The following EPB41L2 variants were observed in gnomAD, a reference collection of about 807,000 sequenced individuals.
EPB41L2 encodes the protein band 4.1-like protein 2.
Under a neutral mutation model 113.0 loss-of-function variants are expected in EPB41L2, and 43 were observed. That is an observed-to-expected ratio of 0.38 (90% CI 0.30 to 0.49). EPB41L2 has a LOEUF of 0.49. Ranked by LOEUF, EPB41L2 falls within the 20% of genes least tolerant of loss-of-function variation. EPB41L2 has a pLI of 0.95. For synonymous variants in EPB41L2, 442 were observed against 436.7 expected (o/e 1.01, Z -0.15); for missense variants, 1,147 against 1,223.4 (o/e 0.94, Z 0.93).
At position 130,858,199 on chromosome 6, in the gene EPB41L2, G is replaced by A; in HGVS notation, c.2955C>T (p.Asp985=). The A allele has an allele frequency of 6.2e-7, 1 of 1,613,958 alleles. No homozygotes were observed. The highest frequency in any genetic ancestry group is 1.7e-5 in the Admixed American group (1 of 60,016). The change falls in exon 19 of 20, where the codon GAC becomes GAT. Residue 985 remains aspartate, a synonymous_variant. Transcript: ENST00000337057. ...GTACCACCACTCTTGTGACCGACAT[G>A]TCAGGGTGCTGCTCTCTGGCTTCCC... is the stretch of plus-strand genomic sequence containing the variant. ...AIREAREQHP[D]MSVTRVVVHK...
intron 13 of EPB41L2, 38 bp from the exon 14 acceptor site, chr6:130,878,288 A>G (rs974515315): frequency 1.3e-6 from 2 of 1,576,460 alleles, no homozygotes; most frequent in Non-Finnish European, 1.7e-6. Context: ...GGAAAAATCC[A>G]AAAGGAAAAA....
chr6:130,964,185 C>A (rs1774378497), intron 1 of EPB41L2, among the ~76,000 whole-genome samples: 1 of 152,072 alleles, frequency 6.6e-6, no homozygotes, highest in Admixed American at 6.6e-5. Context: ...CCATGCCCGG[C>A]TAATTTTTGT....
rs116516872 is a variant in EPB41L2 at position 131,052,478 on chromosome 6, C to T, written c.-15+10677G>A. Among the ~76,000 whole-genome samples the T allele has an allele frequency of 3.3e-3, 500 of 152,288 alleles. 2 individuals are homozygous for T. Among genetic ancestry groups the T allele is most frequent in the African/African-American group, 0.011 (472 of 41,556 alleles). On this transcript the variant is annotated intron_variant, in intron 1 of 19. Coordinates refer to ENST00000337057, the MANE Select transcript of EPB41L2 (RefSeq NM_001431.4). Reference sequence around the variant, plus strand: ...AGAAAACGGAACCAAAAGATTATATCATGTTTGATCCTACTGGCAAGAATT... The same window carrying T: ...AGAAAACGGAACCAAAAGATTATATTATGTTTGATCCTACTGGCAAGAATT...
chr6:130,992,783 G>A (rs1024272039), intron 1 of EPB41L2, among the ~76,000 whole-genome samples: 5 of 151,562 alleles, frequency 3.3e-5, no homozygotes, highest in African/African-American at 7.3e-5. Context: ...GGGCCACCAC[G>A]CCCAGCTAAT....
At chr6:130,861,111 C>T (rs996257766) in intron 18 of EPB41L2, among the ~76,000 whole-genome samples, 1 of 151,980 alleles carries the variant, frequency 6.6e-6, no homozygotes, top group Non-Finnish European at 1.5e-5. Context: ...CTTGCTCTGT[C>T]GCCCAGGCTG....
At chr6:130,971,260 G>C (rs1466076045) in intron 1 of EPB41L2, among the ~76,000 whole-genome samples, 2 of 152,134 alleles carry the variant, frequency 1.3e-5, no homozygotes, top group Admixed American at 6.5e-5. Context: ...TTTGAGGTGC[G>C]ACAGCCAAAC....
intron 14 of EPB41L2, among the ~76,000 whole-genome samples, chr6:130,876,279 C>G (rs1013398157): frequency 6.6e-6 from 1 of 152,140 alleles, no homozygotes; most frequent in African/African-American, 2.4e-5. Context: ...CAAAAGGTTT[C>G]CATATGTAAT....
At chr6:130,887,357 C>T (rs925903243) in intron 11 of EPB41L2, among the ~76,000 whole-genome samples, 1 of 152,206 alleles carries the variant, frequency 6.6e-6, no homozygotes, top group African/African-American at 2.4e-5. Flanking sequence ...CATTCCTAAC[C>T]AGCCTGCCTG....
chr6:130,925,549 T>C (rs73617166), intron 4 of EPB41L2, among the ~76,000 whole-genome samples: 1 of 152,176 alleles, frequency 6.6e-6, no homozygotes, highest in African/African-American at 2.4e-5. Flanking sequence ...CTACATATTG[T>C]ACAACATACT....
At chr6:130,860,078 A>G (rs981558060) in intron 18 of EPB41L2, among the ~76,000 whole-genome samples, 1 of 152,252 alleles carries the variant, frequency 6.6e-6, no homozygotes, top group Non-Finnish European at 1.5e-5. Context: ...GTGCAGTTCT[A>G]CATTGTGTTT....
chr6:130,971,229 C>A (rs1776701213), intron 1 of EPB41L2, among the ~76,000 whole-genome samples: 1 of 152,176 alleles, frequency 6.6e-6, no homozygotes, highest in Admixed American at 6.5e-5. Flanking sequence ...CACTTATGCA[C>A]TGTGGCCATA....
chr6:131,049,562 G>C (rs1796138089), intron 1 of EPB41L2, among the ~76,000 whole-genome samples: 1 of 152,156 alleles, frequency 6.6e-6, no homozygotes, highest in Admixed American at 6.5e-5. Flanking sequence ...CAACTAAACA[G>C]AGTACTGGGA....
chr6:130,844,896 A>G (rs1776526565), intron 19 of EPB41L2, among the ~76,000 whole-genome samples: 1 of 151,822 alleles, frequency 6.6e-6, no homozygotes, highest in South Asian at 2.1e-4. Context: ...CATAAAAATT[A>G]GCTGGGCATG....
intron 3 of EPB41L2, among the ~76,000 whole-genome samples, chr6:130,931,110 T>G (rs1009356674): frequency 3.3e-5 from 5 of 152,010 alleles, no homozygotes; most frequent in African/African-American, 1.2e-4. Flanking sequence ...TACAAATATC[T>G]CATCAGAGTC....
chr6:130,905,245 T>G (rs9492750), intron 5 of EPB41L2, among the ~76,000 whole-genome samples: 3,963 of 152,212 alleles, frequency 0.026, 200 homozygotes, highest in African/African-American at 0.091. Context: ...AAAATTTAAC[T>G]GCTATTTTGA....
chr6:130,922,009 G>A (rs1414696322), intron 4 of EPB41L2, among the ~76,000 whole-genome samples: 1 of 152,174 alleles, frequency 6.6e-6, no homozygotes, highest in Non-Finnish European at 1.5e-5. Flanking sequence ...TTTTTTAACT[G>A]GAAAGGAAGG....
intron 1 of EPB41L2, among the ~76,000 whole-genome samples, chr6:131,047,718 T>A (rs1414737745): frequency 6.6e-6 from 1 of 152,222 alleles, no homozygotes; most frequent in African/African-American, 2.4e-5. Flanking sequence ...TTTTTATAAC[T>A]GTATAGTCCC....
In EPB41L2 at chr6:130,939,430, T is replaced by C. The variant is rs182948880; in HGVS notation, c.706-12721A>G. Among the ~76,000 whole-genome samples the C allele has an allele frequency of 8.7e-4, 132 of 152,156 alleles. 1 individual carries two copies. The East Asian group carries it at 0.022, about 25-fold the overall frequency. ...CACCAAGCCCGGCTAATTTTTTGTATCTTTAGTAGAGATGTGGTTTCTCCA... is the reference window on the plus strand; with the variant it reads ...CACCAAGCCCGGCTAATTTTTTGTACCTTTAGTAGAGATGTGGTTTCTCCA... On this transcript the variant is annotated intron_variant, in intron 3 of 19. Transcript: ENST00000337057.
At chr6:131,061,392 G>A (rs1798632049) in intron 1 of EPB41L2, among the ~76,000 whole-genome samples, 1 of 152,164 alleles carries the variant, frequency 6.6e-6, no homozygotes. Flanking sequence ...GAAGTTTGAT[G>A]GTGGTTCTTA....
Sources: allele counts gnomAD v4.1 joint callset (sites outside exome capture counted in the v4.1 genomes callset), GRCh38; gene constraint gnomAD v4.1.1; transcripts MANE v1.5; gene names NCBI Gene and HGNC (gene_info 2026-07-23, HGNC 2026-07-21).